Variants in CDH4 observed in about 807,000 individuals in gnomAD.
The protein encoded by CDH4 is cadherin 4.
In CDH4, 33 loss-of-function variants were observed where a neutral mutation model predicts 86.0. The observed-to-expected ratio is 0.38, with a 90% CI of 0.29 to 0.51. The LOEUF is 0.51. Among genes scored for constraint, CDH4 ranks in the 20% least tolerant of loss-of-function variants. CDH4 has a pLI of 0.86. For synonymous variants in CDH4, 555 were observed against 549.4 expected (o/e 1.01, Z -0.14); for missense variants, 1,114 against 1,307.4 (o/e 0.85, Z 2.28).
chr20:61,751,387 C>T (rs75336665), intron 3 of CDH4, among the ~76,000 whole-genome samples: 1,559 of 152,292 alleles, frequency 0.01, 27 homozygotes, highest in African/African-American at 0.034. Flanking sequence ...AAAACGGTGT[C>T]ATTTTGAAGC....
chr20:61,600,299 G>C (rs990509022), intron 2 of CDH4, among the ~76,000 whole-genome samples: 14 of 152,256 alleles, frequency 9.2e-5, no homozygotes, highest in Non-Finnish European at 1.6e-4. Context: ...CCAGCTGTGA[G>C]CGTGCCGTAT....
intron 2 of CDH4, among the ~76,000 whole-genome samples, chr20:61,326,462 T>G (rs186220775): frequency 1.3e-5 from 2 of 152,346 alleles, no homozygotes; most frequent in East Asian, 1.9e-4. Context: ...ATATGACATT[T>G]TAGTCAATCA....
At chr20:61,654,048 T>G (rs9712368) in intron 2 of CDH4, among the ~76,000 whole-genome samples, 1 of 150,892 alleles carries the variant, frequency 6.6e-6, no homozygotes, top group African/African-American at 2.4e-5. Flanking sequence ...GCTGCAATCT[T>G]GGCACTTTGG....
At chr20:61,848,629 G>A (rs1454953755) in intron 5 of CDH4, among the ~76,000 whole-genome samples, 1 of 152,110 alleles carries the variant, frequency 6.6e-6, no homozygotes, top group African/African-American at 2.4e-5. Flanking sequence ...AGGTTCAAGC[G>A]ATTCTCCTGC....
At chr20:61,351,824 C>T (rs2084714571) in intron 2 of CDH4, among the ~76,000 whole-genome samples, 1 of 151,938 alleles carries the variant, frequency 6.6e-6, no homozygotes, top group African/African-American at 2.4e-5. Context: ...TCAAGCGATT[C>T]TGCAGCCTAA....
chr20:61,381,587 C>A (rs73308701), intron 2 of CDH4, among the ~76,000 whole-genome samples: 2 of 152,098 alleles, frequency 1.3e-5, no homozygotes, highest in African/African-American at 4.8e-5. Flanking sequence ...AAACTGTACA[C>A]GCTATGATGG....
intron 9 of CDH4, among the ~76,000 whole-genome samples, chr20:61,921,030 A>G (rs73147019): frequency 0.039 from 5,400 of 137,082 alleles, 137 homozygotes; most frequent in Middle Eastern, 0.15. Context: ...CAGTAATTGC[A>G]TGGAAGCGTG....
At chr20:61,706,863 T>C (rs1209420730) in intron 2 of CDH4, among the ~76,000 whole-genome samples, 1 of 152,216 alleles carries the variant, frequency 6.6e-6, no homozygotes, top group Non-Finnish European at 1.5e-5. Flanking sequence ...CATGACCCTC[T>C]GTGATGCCCA....
chr20:61,848,848 G>A (rs978752338), intron 5 of CDH4, among the ~76,000 whole-genome samples: 8 of 152,142 alleles, frequency 5.3e-5, no homozygotes, highest in Non-Finnish European at 1.2e-4. Flanking sequence ...TCTATTTCCT[G>A]CCCCAGCCCT....
At chr20:61,354,368 C>G (rs1478339875) in intron 2 of CDH4, among the ~76,000 whole-genome samples, 1 of 152,202 alleles carries the variant, frequency 6.6e-6, no homozygotes, top group African/African-American at 2.4e-5. Context: ...GCAACGTGAC[C>G]TCTCTGAACC....
At chr20:61,399,683 C>G (rs1339419057) in intron 2 of CDH4, among the ~76,000 whole-genome samples, 1 of 152,208 alleles carries the variant, frequency 6.6e-6, no homozygotes, top group Non-Finnish European at 1.5e-5. Flanking sequence ...CGTCCACCTG[C>G]CCATCCATCA....
In CDH4 at chr20:61,258,350, A is replaced by AAAAG. The variant is rs1555830567; in HGVS notation, c.169+3416_169+3417insGAAA. On this transcript the variant is annotated intron_variant, in intron 2 of 15. Transcript: ENST00000614565. ...GTCTCAAAAAAAAAAAAAAAAGAAAAAAAAAAAAGAAAGAGGAGCATGTTT... is the reference window on the plus strand; with the variant it reads ...GTCTCAAAAAAAAAAAAAAAAGAAAAAAAGAAAAAAAAGAAAGAGGAGCATGTTT... Among the ~76,000 whole-genome samples, 314 of 149,658 alleles carry AAAAG rather than the reference A, an allele frequency of 2.1e-3. 2 individuals are homozygous for AAAAG. The highest frequency in any genetic ancestry group is 7.2e-3 in the African/African-American group (287 of 40,108).
chr20:61,754,705 ACACACACCG>A lies in CDH4; in HGVS notation c.396+10924_396+10932del, dbSNP rs1234939380. 6.8e-6 allele frequency among the ~76,000 whole-genome samples: 1 copy of A among 148,026 alleles called. No individual in the cohort carries two copies. The highest frequency in any genetic ancestry group is 1.5e-5 in the Non-Finnish European group (1 of 67,126). ...GCACACCACACACACAGTGCATGCC[ACACACACCG>A]CACACACACTGCACGCCCCGCACAC... On this transcript the variant is annotated intron_variant, in intron 3 of 15. Transcript: ENST00000614565. The surrounding 1 kb of genome is among the most constrained non-coding windows in gnomAD (Gnocchi z 4.7).
intron 2 of CDH4, among the ~76,000 whole-genome samples, chr20:61,612,384 CT>C (rs1216893886): frequency 6.6e-6 from 1 of 152,092 alleles, no homozygotes; most frequent in Non-Finnish European, 1.5e-5. Context: ...GTACTTTTGT[CT>C]ATTTTTGAGG....
At chr20:61,399,364 C>T (rs1358751186) in intron 2 of CDH4, among the ~76,000 whole-genome samples, 2 of 140,184 alleles carry the variant, frequency 1.4e-5, no homozygotes, top group Non-Finnish European at 3.1e-5. Context: ...GATCTCCTGA[C>T]CTCATGATCC....
At chr20:61,586,735 G>A (rs930210060) in intron 2 of CDH4, among the ~76,000 whole-genome samples, 3 of 152,148 alleles carry the variant, frequency 2.0e-5, no homozygotes, top group Non-Finnish European at 4.4e-5. Flanking sequence ...TGGGACTATA[G>A]ATCACACTCT....
intron 2 of CDH4, among the ~76,000 whole-genome samples, chr20:61,598,672 A>C (rs2086575134): frequency 6.6e-6 from 1 of 151,916 alleles, no homozygotes; most frequent in African/African-American, 2.4e-5. Flanking sequence ...TAGAACGGGG[A>C]CTTTGCCGTC....
chr20:61,823,642 C>T (rs553655011), intron 4 of CDH4, among the ~76,000 whole-genome samples: 1 of 152,234 alleles, frequency 6.6e-6, no homozygotes, highest in South Asian at 2.1e-4. Context: ...ACCCAGAGCT[C>T]TTTGTATCCC....
At chr20:61,823,025 G>A (rs984393478) in intron 4 of CDH4, among the ~76,000 whole-genome samples, 3 of 152,172 alleles carry the variant, frequency 2.0e-5, no homozygotes, top group Non-Finnish European at 2.9e-5. Flanking sequence ...TAGCTAGGGC[G>A]ACCATGGAGG....
Sources: gnomAD v4.1 joint callset for allele counts (sites outside exome capture counted in the v4.1 genomes callset) on GRCh38, gnomAD v4.1.1 for gene constraint, Gnocchi (gnomAD v3.1) non-coding constraint, MANE v1.5 for transcripts, NCBI Gene and HGNC (gene_info 2026-07-23, HGNC 2026-07-21) for gene names.